The following FTO variants were observed in gnomAD, a reference collection of about 807,000 sequenced individuals.
FTO encodes the protein alpha-ketoglutarate-dependent dioxygenase FTO.
FTO carries 47 observed loss-of-function variants against 63.9 expected under a neutral mutation model. The ratio of observed to expected loss-of-function variants is 0.74; its 90% CI spans 0.58 to 0.94. The LOEUF (loss-of-function observed/expected upper bound fraction) is 0.94, where lower values mean the gene tolerates loss of function less well. FTO is among the 40% of genes least tolerant of loss of function. The pLI is 0.00. For missense variants in FTO, 562 were observed against 618.1 expected (o/e 0.91, Z 0.96); for synonymous variants, 207 against 224.4 (o/e 0.92, Z 0.69).
chr16:53,964,045 G>A (rs1047476275), intron 8 of FTO, among the ~76,000 whole-genome samples: 4 of 152,198 alleles, frequency 2.6e-5, no homozygotes, highest in African/African-American at 4.8e-5. Context: ...GAGCCACCGC[G>A]CCCGGCCTAC....
At chr16:53,858,014 ATGTT>A (rs2080058432) in intron 4 of FTO, among the ~76,000 whole-genome samples, 1 of 152,164 alleles carries the variant, frequency 6.6e-6, no homozygotes, top group African/African-American at 2.4e-5. Context: ...AAGATGCAAA[ATGTT>A]TGTACAACAT....
intron 1 of FTO, among the ~76,000 whole-genome samples, chr16:53,718,851 G>C (rs567899979): frequency 6.6e-6 from 1 of 152,164 alleles, no homozygotes; most frequent in Admixed American, 6.5e-5. Flanking sequence ...CAACATTTTA[G>C]TATATTTCAA....
intron 5 of FTO, among the ~76,000 whole-genome samples, chr16:53,878,515 T>C (rs1023349899): frequency 1.3e-5 from 2 of 152,208 alleles, no homozygotes; most frequent in African/African-American, 2.4e-5. Context: ...TGATGTCGCA[T>C]TGTATAAAAT....
chr16:53,991,889 T>A (rs1334972615), intron 8 of FTO: 1 of 152,192 alleles, frequency 6.6e-6, no homozygotes, highest in Admixed American at 6.5e-5. Flanking sequence ...TAGGGTTCAG[T>A]TGGGCTACTG....
chr16:53,975,978 A>G (rs1261901404), intron 8 of FTO, among the ~76,000 whole-genome samples: 7 of 152,166 alleles, frequency 4.6e-5, no homozygotes, highest in Non-Finnish European at 1.0e-4. Context: ...GCCTGCCACC[A>G]GAGTCTTTGC....
At chr16:53,933,282 A>T (rs1445391896) in intron 7 of FTO, among the ~76,000 whole-genome samples, 1 of 152,172 alleles carries the variant, frequency 6.6e-6, no homozygotes, top group Non-Finnish European at 1.5e-5. Flanking sequence ...TGTAGTGGCA[A>T]TTTCATTCCT....
chr16:54,009,548 C>T (rs1488307045), intron 8 of FTO, among the ~76,000 whole-genome samples: 1 of 152,074 alleles, frequency 6.6e-6, no homozygotes, highest in Non-Finnish European at 1.5e-5. Flanking sequence ...AAATGAGCAT[C>T]GAATTCAGCA....
rs76441135 is a variant in FTO, at chr16:54,026,593, A to G, written c.1365-85169A>G. On this transcript the variant is annotated intron_variant, in intron 8 of 8. Coordinates refer to ENST00000471389, the MANE Select transcript of FTO (RefSeq NM_001080432.3). Reference sequence around the variant, plus strand: ...GAGTAGAAAGGGAAGAATGGATGTTAGGAAGGCAACCTGCAGTTTCTGGCA... The same window carrying G: ...GAGTAGAAAGGGAAGAATGGATGTTGGGAAGGCAACCTGCAGTTTCTGGCA... Among the ~76,000 whole-genome samples the G allele has an allele frequency of 4.8e-3, 737 of 152,340 alleles. 9 individuals are homozygous for G. The highest frequency in any genetic ancestry group is 0.015 in the African/African-American group (616 of 41,576).
At chr16:54,043,520 T>C (rs2085128533) in intron 8 of FTO, among the ~76,000 whole-genome samples, 1 of 16,072 alleles carries the variant, frequency 6.2e-5, no homozygotes, top group Non-Finnish European at 8.0e-5. Flanking sequence ...GGAACCAAGT[T>C]GGAAAACACT....
chr16:54,020,282 A>T (rs61675179), intron 8 of FTO, among the ~76,000 whole-genome samples: 2,117 of 152,320 alleles, frequency 0.014, 39 homozygotes, highest in African/African-American at 0.048. Context: ...CACTAGGGAT[A>T]TCAAAGTGAT....
At chr16:53,741,802 C>G (rs1423752631) in intron 1 of FTO, among the ~76,000 whole-genome samples, 1 of 152,090 alleles carries the variant, frequency 6.6e-6, no homozygotes, top group Admixed American at 6.5e-5. Flanking sequence ...GTCATGAGTC[C>G]AGATACAGCT....
intron 1 of FTO, among the ~76,000 whole-genome samples, chr16:53,790,001 G>T (rs983849531): frequency 1.3e-5 from 2 of 148,924 alleles, no homozygotes; most frequent in East Asian, 1.9e-4. Flanking sequence ...TAATATGTTT[G>T]TGTATGTATA....
intron 1 of FTO, among the ~76,000 whole-genome samples, chr16:53,758,179 G>A (rs2076966479): frequency 6.6e-6 from 1 of 152,214 alleles, no homozygotes; most frequent in African/African-American, 2.4e-5. Flanking sequence ...TAGTGGTGAA[G>A]TAAGAAGTAC....
chr16:53,880,783 G>A (rs1210107603), intron 6 of FTO, among the ~76,000 whole-genome samples: 3 of 151,806 alleles, frequency 2.0e-5, no homozygotes, highest in Admixed American at 1.3e-4. Flanking sequence ...CCATTGCCTC[G>A]GATGTTAGGA....
At chr16:53,928,147 GA>G (rs1417645602) in intron 7 of FTO, among the ~76,000 whole-genome samples, 2 of 152,126 alleles carry the variant, frequency 1.3e-5, no homozygotes, top group African/African-American at 4.8e-5. Context: ...GCACTCTAAA[GA>G]ATATATTAAT....
chr16:53,995,800 C>T (rs547249951), intron 8 of FTO, among the ~76,000 whole-genome samples: 7 of 152,266 alleles, frequency 4.6e-5, no homozygotes, highest in Admixed American at 3.9e-4. Flanking sequence ...TGGTAAATCA[C>T]GCTTGGGTTA....
chr16:54,037,320 A>T (rs2084963893), intron 8 of FTO, among the ~76,000 whole-genome samples: 1 of 152,194 alleles, frequency 6.6e-6, no homozygotes, highest in African/African-American at 2.4e-5. Flanking sequence ...TTTCCACTGG[A>T]CCACTCCTTT....
intron 6 of FTO, among the ~76,000 whole-genome samples, chr16:53,882,617 G>C (rs1461431402): frequency 1.3e-5 from 2 of 152,202 alleles, no homozygotes; most frequent in Non-Finnish European, 2.9e-5. Context: ...GCTGCTACTT[G>C]TAGGAGAAGA....
chr16:53,807,353 C>T (rs1199864076), intron 1 of FTO, among the ~76,000 whole-genome samples: 1 of 152,146 alleles, frequency 6.6e-6, no homozygotes, highest in East Asian at 1.9e-4. Flanking sequence ...AAATTTTATC[C>T]TTTTGATACA....
Sources: allele counts gnomAD v4.1 joint callset (sites outside exome capture counted in the v4.1 genomes callset), GRCh38; gene constraint gnomAD v4.1.1; transcripts MANE v1.5; gene names NCBI Gene and HGNC (gene_info 2026-07-23, HGNC 2026-07-21).